ARHGAP28: variants seen among roughly 807,000 people sequenced by gnomAD.
ARHGAP28 encodes the protein rho GTPase-activating protein 28.
A neutral mutation model predicts 90.7 loss-of-function variants in ARHGAP28; 56 were observed. That is an observed-to-expected ratio of 0.62 (90% CI 0.50 to 0.77). ARHGAP28 has a LOEUF of 0.77. Ranked by LOEUF, ARHGAP28 falls within the 30% of genes least tolerant of loss-of-function variation. ARHGAP28 has a pLI of 0.00. For missense variants in ARHGAP28, 869 were observed against 900.9 expected, an observed-to-expected ratio of 0.96 and a Z score of 0.45; for synonymous variants, 308 against 323.3, an observed-to-expected ratio of 0.95 and a Z score of 0.51.
chr18:6,838,661 A>G (rs1316634532), intron 3 of ARHGAP28, among the ~76,000 whole-genome samples: 2 of 152,278 alleles, frequency 1.3e-5, no homozygotes, highest in African/African-American at 4.8e-5. Context: ...AGATTTAAAT[A>G]TGAACAGTCA....
chr18:6,867,272 G>A (rs1447420847), intron 5 of ARHGAP28, among the ~76,000 whole-genome samples: 2 of 152,122 alleles, frequency 1.3e-5, no homozygotes, highest in Admixed American at 6.5e-5. Context: ...CTTTCATGAA[G>A]CAGGTGTTCA....
intron 14 of ARHGAP28, among the ~76,000 whole-genome samples, chr18:6,894,628 C>A (rs549269165): frequency 6.6e-6 from 1 of 152,304 alleles, no homozygotes; most frequent in African/African-American, 2.4e-5. Flanking sequence ...AGCAAACAAA[C>A]ATCTATATAC....
chr18:6,889,411 A>G (rs893240864), intron 12 of ARHGAP28, among the ~76,000 whole-genome samples: 1 of 152,188 alleles, frequency 6.6e-6, no homozygotes, highest in East Asian at 1.9e-4. Flanking sequence ...GGGCTGAGGA[A>G]TGAGATACTT....
intron 16 of ARHGAP28, among the ~76,000 whole-genome samples, chr18:6,901,562 C>T (rs1002727515): frequency 1.4e-4 from 21 of 150,730 alleles, no homozygotes; most frequent in African/African-American, 4.9e-4. Flanking sequence ...AAAAAACAGC[C>T]CTTTATCTCT....
intron 1 of ARHGAP28, among the ~76,000 whole-genome samples, chr18:6,743,455 T>C (rs2055996746): frequency 6.6e-6 from 1 of 152,172 alleles, no homozygotes; most frequent in Admixed American, 6.5e-5. Flanking sequence ...AATGTGGAAA[T>C]GTGATTTCTC....
chr18:6,896,420 A>AT, intron 15 of ARHGAP28, 82 bp from the exon 16 acceptor site: 1 of 1,514,186 alleles, frequency 6.6e-7, no homozygotes, highest in Non-Finnish European at 9.0e-7. Flanking sequence ...AGTAGCACTG[A>AT]TTTTCATATC....
chr18:6,739,855 CTTTT>C (rs145660239), intron 1 of ARHGAP28, among the ~76,000 whole-genome samples: 2 of 134,814 alleles, frequency 1.5e-5, no homozygotes, highest in Admixed American at 7.5e-5. Context: ...CATAAGAATT[CTTTT>C]TTTTTTTTTT....
intron 15 of ARHGAP28, among the ~76,000 whole-genome samples, 162 bp from the exon 16 acceptor site, chr18:6,896,340 C>A (rs1240260920): frequency 2.0e-5 from 3 of 152,166 alleles, no homozygotes; most frequent in African/African-American, 7.2e-5. Flanking sequence ...GAGTGAGTCT[C>A]CAGCTGAGAA....
At chr18:6,850,810 G>T in intron 3 of ARHGAP28, 2 of 1,521,968 alleles carry the variant, frequency 1.3e-6, no homozygotes, top group Non-Finnish European at 1.7e-6. Flanking sequence ...AGCAGAGTTT[G>T]CTTCTGAGAC....
chr18:6,816,561 T>C lies in ARHGAP28; in HGVS notation c.123-8201T>C, dbSNP rs540677039. Among the ~76,000 whole-genome samples the C allele has an allele frequency of 3.3e-5, 5 of 152,280 alleles. No individual in the cohort carries two copies. The East Asian group carries it at 9.7e-4, about 29-fold the overall frequency. The stretch of plus-strand genomic sequence containing the variant: ...ATCATTCAACGGCAGTGACAAATAA[T>C]GGAGAACTCAAGTCTTCCTCTTCTC... On this transcript the variant is annotated intron_variant, in intron 1 of 17. Coordinates refer to ENST00000383472, the MANE Select transcript of ARHGAP28 (RefSeq NM_001366230.1).
rs1258500217 is a variant in ARHGAP28 at position 6,876,106 on chromosome 18, C to G, written c.1213-25C>G. 6 of 1,565,738 alleles carry G rather than the reference C, an allele frequency of 3.8e-6. No homozygotes were observed. The South Asian group carries it at 6.7e-5, about 17-fold the overall frequency. On this transcript the variant is annotated intron_variant, in intron 9 of 17. Transcript: ENST00000383472. ...TTATGATCATATAGAGGTACTTATT[C>G]TGGTAATATATCATTGCTTTCTAGT...
At chr18:6,889,066 G>A (rs938830524) in intron 12 of ARHGAP28, among the ~76,000 whole-genome samples, 52 of 152,230 alleles carry the variant, frequency 3.4e-4, no homozygotes, top group African/African-American at 1.2e-3. Flanking sequence ...TAAGAGTAAC[G>A]CCTGGCTCAC....
In ARHGAP28 at chr18:6,860,654, A is replaced by C. The variant is rs145177031; in HGVS notation, c.726+757A>C. Reference sequence around the variant, plus strand: ...GGCAGTTTTTCCTCAACCCCTGTCCATTTCGAGAAACAAGGAGCTGATGAC... The same window carrying C: ...GGCAGTTTTTCCTCAACCCCTGTCCCTTTCGAGAAACAAGGAGCTGATGAC... On this transcript the variant is annotated intron_variant, in intron 5 of 17. Coordinates refer to ENST00000383472, the MANE Select transcript of ARHGAP28 (RefSeq NM_001366230.1). Among the ~76,000 whole-genome samples, 278 of 152,326 alleles carry C rather than the reference A, an allele frequency of 1.8e-3. 1 individual carries two copies. Among genetic ancestry groups the C allele is most frequent in the African/African-American group, 6.3e-3 (263 of 41,574 alleles).
chr18:6,876,319 G>T, intron 10 of ARHGAP28, 111 bp downstream of exon 10: 1 of 781,230 alleles, frequency 1.3e-6, no homozygotes, highest in Non-Finnish European at 2.2e-6. Flanking sequence ...ATTATCACTT[G>T]GTCCTTCCTA....
Position 6,913,533 on chromosome 18 carries a change from C to G in ARHGAP28, c.*1379C>G, listed in dbSNP as rs2057409554. 1 of 152,144 alleles carries G rather than the reference C, an allele frequency of 6.6e-6. No individual in the cohort carries two copies. The highest frequency in any genetic ancestry group is 2.4e-5 in the African/African-American group (1 of 41,432). The allele number at this position is 152,144 out of a possible 1,614,324, so 9.4% of individuals were successfully genotyped here. On this transcript the variant is annotated 3_prime_UTR_variant, in exon 18 of 18. Coordinates refer to ENST00000383472, the MANE Select transcript of ARHGAP28 (RefSeq NM_001366230.1). ...ACAATTCAAGCAGTAGACAAAGTTG[C>G]TCACAAATACAGAAAACATCTTTTT...
chr18:6,899,335 C>T (rs1025642701), intron 16 of ARHGAP28, among the ~76,000 whole-genome samples: 2 of 152,140 alleles, frequency 1.3e-5, no homozygotes, highest in African/African-American at 4.8e-5. Context: ...AGAAATGACA[C>T]GGTGGTGAGT....
At chr18:6,893,185 G>A (rs1309711782) in intron 14 of ARHGAP28, among the ~76,000 whole-genome samples, 1 of 152,088 alleles carries the variant, frequency 6.6e-6, no homozygotes, top group Non-Finnish European at 1.5e-5. Flanking sequence ...TCCAAGTTAG[G>A]CAAGGTAAAG....
intron 17 of ARHGAP28, among the ~76,000 whole-genome samples, chr18:6,911,035 TGA>T (rs2057395825): frequency 6.6e-6 from 1 of 151,966 alleles, no homozygotes; most frequent in Non-Finnish European, 1.5e-5. Context: ...GGGGTTTCAC[TGA>T]GTTTGCCAGG....
At chr18:6,814,286 G>C (rs1412499817) in intron 1 of ARHGAP28, among the ~76,000 whole-genome samples, 1 of 152,146 alleles carries the variant, frequency 6.6e-6, no homozygotes, top group African/African-American at 2.4e-5. Flanking sequence ...AGCCTGTGAA[G>C]CTGGACCAAG....
Sources: gnomAD v4.1 joint callset for allele counts (sites outside exome capture counted in the v4.1 genomes callset) on GRCh38, gnomAD v4.1.1 for gene constraint, MANE v1.5 for transcripts, NCBI Gene and HGNC (gene_info 2026-07-23, HGNC 2026-07-21) for gene names.